The following ALPK2 variants were observed in gnomAD, a reference collection of about 807,000 sequenced individuals.
ALPK2 encodes the protein alpha kinase 2, also known as alpha-protein kinase 2.
A neutral mutation model predicts 163.1 loss-of-function variants in ALPK2; 127 were observed. That is an observed-to-expected ratio of 0.78 (90% CI 0.67 to 0.90). The LOEUF (loss-of-function observed/expected upper bound fraction) is 0.90. Ranked by LOEUF, ALPK2 falls within the 40% of genes least tolerant of loss-of-function variation. The probability of loss-of-function intolerance (pLI) is 0.00; values close to 1 mark genes in which losing one functional copy is unlikely to be tolerated. For missense variants in ALPK2, 2,360 were observed against 2,589.6 expected, an observed-to-expected ratio of 0.91 and a Z score of 1.92; for synonymous variants, 953 against 959.1, an observed-to-expected ratio of 0.99 and a Z score of 0.12.
chr18:58,537,388 G>C lies in ALPK2; in HGVS notation c.2799C>G (p.Ser933Arg). The C allele has an allele frequency of 6.2e-7, 1 of 1,613,884 alleles. No homozygotes were observed. Among genetic ancestry groups the C allele is most frequent in the Non-Finnish European group, 8.5e-7 (1 of 1,179,838 alleles). ...STVHAGQEQP[S>R]PSNSGGLDET... ...CATCAAGCCCTCCTGAGTTGCTGGG[G>C]CTTGGCTGCTCCTGGCCAGCATGTA... The change falls in exon 5 of 13, where the codon AGC (serine) becomes AGG (arginine). Residue 933 changes from serine (S) to arginine (R), a missense_variant. Ser to Arg is a moderately radical substitution (Grantham distance 110, BLOSUM62 -1). Coordinates refer to ENST00000361673, the MANE Select transcript of ALPK2 (RefSeq NM_052947.4).
In ALPK2 at chr18:58,536,574, T is replaced by C. The variant is rs1408415934; in HGVS notation, c.3613A>G (p.Ser1205Gly). 2 of 1,614,098 alleles carry C rather than the reference T, an allele frequency of 1.2e-6. No individual in the cohort carries two copies. The highest frequency in any genetic ancestry group is 3.3e-5 in the Admixed American group (2 of 60,026). Residue 1205 changes from serine to glycine, a missense_variant, in exon 5 of 13, where the codon AGT becomes GGT. By Grantham distance (56) the Ser-to-Gly change is moderately conservative. Coordinates refer to ENST00000361673, the MANE Select transcript of ALPK2 (RefSeq NM_052947.4). ...GATGGAACGTTGCTCAGAGCCTGAC[T>C]GTCTTCTTCCCCAGCAGTTTCAGCC... ...VVAETAGEED[S>G]QALSNVPSLS...
At chr18:58,563,386 A>G (rs964854703) in intron 4 of ALPK2, among the ~76,000 whole-genome samples, 1 of 152,254 alleles carries the variant, frequency 6.6e-6, no homozygotes, top group African/African-American at 2.4e-5. Context: ...ACAGCTAGAA[A>G]GGGGGAACAG....
intron 3 of ALPK2, among the ~76,000 whole-genome samples, chr18:58,606,969 G>GACAAC (rs2052101501): frequency 6.6e-6 from 1 of 152,184 alleles, no homozygotes; most frequent in African/African-American, 2.4e-5. Context: ...CCTACCCATG[G>GACAAC]AAGTTTGGAC....
intron 4 of ALPK2, chr18:58,544,565 A>T (rs1020359689): frequency 5.3e-5 from 8 of 152,254 alleles, no homozygotes; most frequent in Admixed American, 3.9e-4. Context: ...ACAATTCTTG[A>T]CAAGTTGTGC....
At chr18:58,524,210 G>C (rs2051572296) in intron 6 of ALPK2, 148 bp from the exon 7 acceptor site, 2 of 1,123,206 alleles carry the variant, frequency 1.8e-6, no homozygotes, top group Non-Finnish European at 2.5e-6. Context: ...ACGATCAGCT[G>C]TTTAAATAAT....
At chr18:58,573,184 ATG>A (rs1481463869) in intron 4 of ALPK2, among the ~76,000 whole-genome samples, 18 of 130,120 alleles carry the variant, frequency 1.4e-4, no homozygotes, top group South Asian at 2.7e-4. Context: ...AGCATTATAT[ATG>A]TATATGTGTA....
chr18:58,547,499 G>T (rs2051723554), intron 4 of ALPK2, among the ~76,000 whole-genome samples: 1 of 152,128 alleles, frequency 6.6e-6, no homozygotes, highest in Admixed American at 6.5e-5. Flanking sequence ...TTGGTAGACT[G>T]CACTGTGTTG....
At chr18:58,529,014 C>A in intron 6 of ALPK2, 77 bp downstream of exon 6, 1 of 1,575,010 alleles carries the variant, frequency 6.3e-7, no homozygotes, top group Non-Finnish European at 8.7e-7. Context: ...ATAATTTATT[C>A]TTTTTTCTTT....
intron 4 of ALPK2, among the ~76,000 whole-genome samples, chr18:58,571,427 GA>G (rs77059313): frequency 0.037 from 4,049 of 108,684 alleles, 70 homozygotes; most frequent in East Asian, 0.1. Flanking sequence ...ACATCCACAG[GA>G]AAAAAAAAAA....
chr18:58,482,139 C>A (rs1269726052), intron 12 of ALPK2, 100 bp from the exon 13 acceptor site: 2 of 822,088 alleles, frequency 2.4e-6, no homozygotes, highest in South Asian at 1.6e-5. Context: ...GTGCATGGAA[C>A]ATATATGAAT....
intron 4 of ALPK2, among the ~76,000 whole-genome samples, chr18:58,553,920 G>A (rs2051774715): frequency 1.6e-5 from 2 of 125,884 alleles, no homozygotes; most frequent in South Asian, 2.9e-4. Context: ...AGAGTGCAGT[G>A]GCATGATCTT....
At chr18:58,523,908 G>C in intron 7 of ALPK2, 27 bp downstream of exon 7, 1 of 1,613,970 alleles carries the variant, frequency 6.2e-7, no homozygotes, top group South Asian at 1.1e-5. Context: ...AGGGGCCAGT[G>C]GTTTTTCATT....
intron 12 of ALPK2, among the ~76,000 whole-genome samples, chr18:58,493,574 A>G (rs917763131): frequency 1.3e-5 from 2 of 152,022 alleles, no homozygotes; most frequent in African/African-American, 4.8e-5. Flanking sequence ...GTGGGAGTCT[A>G]TTTTGATCTT....
chr18:58,575,957 G>A (rs190658367), intron 4 of ALPK2, among the ~76,000 whole-genome samples: 2 of 152,262 alleles, frequency 1.3e-5, no homozygotes, highest in Admixed American at 1.3e-4. Context: ...TTAGAGAGAT[G>A]GAGTTTTTCT....
chr18:58,601,040 G>A (rs570591597), intron 3 of ALPK2, among the ~76,000 whole-genome samples: 2 of 152,328 alleles, frequency 1.3e-5, no homozygotes, highest in East Asian at 1.9e-4. Context: ...CAGATCACCT[G>A]AGGTCAGGAG....
intron 4 of ALPK2, among the ~76,000 whole-genome samples, chr18:58,546,929 G>C (rs1371055432): frequency 6.7e-6 from 1 of 149,254 alleles, no homozygotes; most frequent in Non-Finnish European, 1.5e-5. Context: ...GGGGTTTTTT[G>C]GTTTTGTTTT....
In ALPK2 at chr18:58,535,973, G is replaced by A. The variant is rs758116610; in HGVS notation, c.4214C>T (p.Pro1405Leu). The change falls in exon 5 of 13, where the codon CCC becomes CTC. Residue 1405 changes from proline to leucine, a missense_variant. Coordinates refer to ENST00000361673, the MANE Select transcript of ALPK2 (RefSeq NM_052947.4). ...CPKILESSVD[P>L]IDEISVIEYT... ...CTCTATCACACTTATCTCATCAATG[G>A]GATCTACAGAGGACTCTAGGATTTT... 1.2e-6 allele frequency: 2 copies of A among 1,613,988 alleles called. No homozygotes were observed. Among genetic ancestry groups the A allele is most frequent in the African/African-American group, 1.3e-5 (1 of 74,884 alleles).
At chr18:58,513,163 GGT>G (rs1054952222) in intron 10 of ALPK2, among the ~76,000 whole-genome samples, 2 of 150,034 alleles carry the variant, frequency 1.3e-5, no homozygotes, top group African/African-American at 4.9e-5. Flanking sequence ...GTGGTGTGGG[GGT>G]GTGTGTGGGG....
intron 12 of ALPK2, among the ~76,000 whole-genome samples, chr18:58,482,524 C>T (rs1173644084): frequency 6.6e-6 from 1 of 152,074 alleles, no homozygotes; most frequent in African/African-American, 2.4e-5. Flanking sequence ...CATGAGACTA[C>T]CCCAAGAAAA....
Sources: gnomAD v4.1 joint callset for allele counts (sites outside exome capture counted in the v4.1 genomes callset) on GRCh38, gnomAD v4.1.1 for gene constraint, MANE v1.5 for transcripts, NCBI Gene and HGNC (gene_info 2026-07-23, HGNC 2026-07-21) for gene names.